PDE1A: variants seen among roughly 807,000 people sequenced by gnomAD.
PDE1A encodes dual specificity calcium/calmodulin-dependent 3',5'-cyclic nucleotide phosphodiesterase 1A.
A neutral mutation model predicts 61.7 loss-of-function variants in PDE1A; 35 were observed. The ratio of observed to expected loss-of-function variants is 0.57; its 90% CI spans 0.43 to 0.75. The LOEUF is 0.75. Ranked by LOEUF, PDE1A falls within the 30% of genes least tolerant of loss-of-function variation. The pLI is 0.00. For synonymous variants in PDE1A, 232 were observed against 213.2 expected, an observed-to-expected ratio of 1.09 and a Z score of -0.77; for missense variants, 597 against 630.6, an observed-to-expected ratio of 0.95 and a Z score of 0.57.
chr2:182,626,896 T>C, the PDE1A span, among the ~76,000 whole-genome samples: 12 of 79,378 alleles, frequency 1.5e-4, no homozygotes, highest in East Asian at 2.0e-3. Context: ...CATATATATA[T>C]ACATATATAT....
At chr2:182,235,710 TG>T (rs1348508256) in intron 3 of PDE1A, among the ~76,000 whole-genome samples, 1 of 152,248 alleles carries the variant, frequency 6.6e-6, no homozygotes, top group East Asian at 1.9e-4. Flanking sequence ...CACAACGAGC[TG>T]AATTTCTAGG....
intron 1 of PDE1A, among the ~76,000 whole-genome samples, chr2:182,341,917 C>G (rs553808871): frequency 6.6e-6 from 1 of 152,152 alleles, no homozygotes; most frequent in East Asian, 1.9e-4. Context: ...GCCACCACAC[C>G]CAGCTACTTT....
the PDE1A span, among the ~76,000 whole-genome samples, chr2:182,648,970 C>A: frequency 1.3e-5 from 2 of 152,150 alleles, no homozygotes; most frequent in Non-Finnish European, 2.9e-5. Flanking sequence ...GTGCTCATAT[C>A]AGGACAGTCA....
chr2:182,559,454 C>T, the PDE1A span, among the ~76,000 whole-genome samples: 1 of 152,086 alleles, frequency 6.6e-6, no homozygotes, highest in Admixed American at 6.6e-5. Flanking sequence ...ATCAGCACAG[C>T]TAAAATTACA....
chr2:182,375,411 GA>G (rs1700345691), intron 1 of PDE1A, among the ~76,000 whole-genome samples: 1 of 152,090 alleles, frequency 6.6e-6, no homozygotes, highest in African/African-American at 2.4e-5. Context: ...ATGAAAATCT[GA>G]AATCTTCCAG....
At chr2:182,665,869 T>C in the PDE1A span, among the ~76,000 whole-genome samples, 3 of 152,132 alleles carry the variant, frequency 2.0e-5, no homozygotes, top group Non-Finnish European at 4.4e-5. Flanking sequence ...ATATACACCA[T>C]AGAATACTAT....
chr2:182,556,657 A>C, the PDE1A span, among the ~76,000 whole-genome samples: 2 of 152,284 alleles, frequency 1.3e-5, no homozygotes, highest in East Asian at 3.9e-4. Flanking sequence ...ATAAATTTAC[A>C]TGAACTTTCA....
At chr2:182,418,666 T>C (rs1703076336) in intron 1 of PDE1A, among the ~76,000 whole-genome samples, 1 of 151,790 alleles carries the variant, frequency 6.6e-6, no homozygotes, top group Admixed American at 6.6e-5. Flanking sequence ...CAAATGCAAA[T>C]GCTTCCTCAT....
intron 2 of PDE1A, among the ~76,000 whole-genome samples, chr2:182,478,375 T>C (rs10171703): frequency 0.47 from 71,744 of 151,544 alleles, 17,489 homozygotes; most frequent in East Asian, 0.75. Flanking sequence ...TCTATCATTC[T>C]CTTGGATTGG....
intron 2 of PDE1A, among the ~76,000 whole-genome samples, chr2:182,469,312 T>C (rs1257383205): frequency 6.6e-6 from 1 of 151,992 alleles, no homozygotes; most frequent in African/African-American, 2.4e-5. Context: ...CTGCAGCTTC[T>C]CCATCAGCAT....
chr2:182,182,013 T>A (rs1684804919), intron 13 of PDE1A, among the ~76,000 whole-genome samples: 1 of 152,238 alleles, frequency 6.6e-6, no homozygotes, highest in African/African-American at 2.4e-5. Context: ...AAATCAATTT[T>A]ACTGTTTTTT....
chr2:182,446,229 C>G (rs965548066), intron 2 of PDE1A, among the ~76,000 whole-genome samples: 4 of 152,036 alleles, frequency 2.6e-5, no homozygotes, highest in African/African-American at 9.7e-5. Flanking sequence ...AGATGAAAAG[C>G]ATGCATAATT....
At chr2:182,399,026 C>T (rs10497597) in intron 1 of PDE1A, among the ~76,000 whole-genome samples, 36,351 of 151,740 alleles carry the variant, frequency 0.24, 5,362 homozygotes, top group South Asian at 0.43. Context: ...TACTAAATGA[C>T]ATTTTGATGA....
intron 2 of PDE1A, among the ~76,000 whole-genome samples, chr2:182,508,811 A>AT (rs58539442): frequency 2.1e-4 from 23 of 108,536 alleles, no homozygotes; most frequent in South Asian, 3.0e-4. Context: ...TTTATTTTTT[A>AT]TTTTTTTTTT....
At chr2:182,350,213 T>C (rs1698788584) in intron 1 of PDE1A, among the ~76,000 whole-genome samples, 2 of 152,198 alleles carry the variant, frequency 1.3e-5, no homozygotes, top group Non-Finnish European at 2.9e-5. Context: ...CAGCATTATC[T>C]TTGGGAGATT....
At chr2:182,506,393 T>G (rs1689416679) in intron 2 of PDE1A, among the ~76,000 whole-genome samples, 1 of 152,200 alleles carries the variant, frequency 6.6e-6, no homozygotes, top group Non-Finnish European at 1.5e-5. Context: ...CCTTAAAAAT[T>G]TTAAAGGCTA....
At chr2:182,634,451 G>C in the PDE1A span, among the ~76,000 whole-genome samples, 1 of 152,202 alleles carries the variant, frequency 6.6e-6, no homozygotes, top group African/African-American at 2.4e-5. Flanking sequence ...GAAAACTCCA[G>C]GAACAAGGCA....
chr2:182,188,445 C>T (rs1685424519), intron 11 of PDE1A, among the ~76,000 whole-genome samples: 1 of 152,208 alleles, frequency 6.6e-6, no homozygotes, highest in Non-Finnish European at 1.5e-5. Flanking sequence ...TAATAATGGA[C>T]TGGACTTGAA....
At chr2:182,645,028 C>T in the PDE1A span, among the ~76,000 whole-genome samples, 1 of 147,452 alleles carries the variant, frequency 6.8e-6, no homozygotes, top group African/African-American at 2.5e-5. Flanking sequence ...CTCTGTTGCC[C>T]AGGCTGGAGT....
Sources: gnomAD v4.1 joint callset for allele counts (sites outside exome capture counted in the v4.1 genomes callset) on GRCh38, gnomAD v4.1.1 for gene constraint, MANE v1.5 for transcripts, NCBI Gene and HGNC (gene_info 2026-07-23, HGNC 2026-07-21) for gene names.